DSC3: variants seen among roughly 807,000 people sequenced by gnomAD.
The protein encoded by DSC3 is desmocollin 3.
DSC3 carries 97 observed loss-of-function variants against 89.5 expected under a neutral mutation model. The observed-to-expected ratio is 1.08, with a 90% CI of 0.92 to 1.28. DSC3 has a LOEUF of 1.28. Ranked by LOEUF, DSC3 falls within the 50% of genes most tolerant of loss-of-function variation. DSC3 has a pLI of 0.00. For synonymous variants in DSC3, 436 were observed against 384.1 expected (o/e 1.14, Z -1.58); for missense variants, 1,199 against 1,085.3 (o/e 1.10, Z -1.47).
At chr18:31,025,657 T>C in intron 5 of DSC3, 103 bp downstream of exon 5, 1 of 1,264,590 alleles carries the variant, frequency 7.9e-7, no homozygotes, top group Non-Finnish European at 1.2e-6. Flanking sequence ...TAAGATACCC[T>C]CTAAGAAGAG....
intron 14 of DSC3, among the ~76,000 whole-genome samples, chr18:30,997,918 A>G (rs968947062): frequency 6.6e-6 from 1 of 152,200 alleles, no homozygotes; most frequent in Non-Finnish European, 1.5e-5. Context: ...GGGGTCCCCA[A>G]CTTCAATCAG....
intron 4 of DSC3, among the ~76,000 whole-genome samples, chr18:31,028,625 A>G (rs994742479): frequency 6.6e-6 from 1 of 152,144 alleles, no homozygotes; most frequent in Admixed American, 6.6e-5. Context: ...CAATTAGTAC[A>G]CAGGTTACAC....
chr18:31,015,687 G>T (rs1268256924), intron 9 of DSC3, among the ~76,000 whole-genome samples: 2 of 152,160 alleles, frequency 1.3e-5, no homozygotes, highest in Non-Finnish European at 2.9e-5. Context: ...TGGAGAAGCT[G>T]CCTTCTGACC....
At chr18:31,041,806 C>T (rs75978607) in intron 1 of DSC3, among the ~76,000 whole-genome samples, 26 of 152,042 alleles carry the variant, frequency 1.7e-4, no homozygotes, top group South Asian at 2.1e-4. Flanking sequence ...AGGCTGTGCT[C>T]CGGCCGCGCA....
In DSC3 at chr18:30,996,801, C is replaced by A; in HGVS notation, c.2483G>T (p.Arg828Leu). Residue 828 changes from arginine (R) to leucine (L), a missense_variant, in exon 15 of 16, where the codon CGT becomes CTT. Transcript: ENST00000360428. ...YSEWHSFTQPRLGEKLHRCNQ... is the reference protein window; with the variant it reads ...YSEWHSFTQPLLGEKLHRCNQ... ...CCTAAGGAAACTCACTTCACCGAGA[C>A]GGGGTTGAGTAAAACTGTGCCACTC... 1.2e-6 allele frequency: 2 copies of A among 1,613,686 alleles called. No homozygotes were observed. The highest frequency in any genetic ancestry group is 1.7e-6 in the Non-Finnish European group (2 of 1,179,962).
chr18:31,003,957 T>C (rs1984749026), intron 13 of DSC3, among the ~76,000 whole-genome samples, 185 bp downstream of exon 13: 1 of 152,218 alleles, frequency 6.6e-6, no homozygotes, highest in African/African-American at 2.4e-5. Flanking sequence ...AAGTCTTTTA[T>C]CTCAAGAAGG....
Position 31,024,492 on chromosome 18 carries a change from A to C in DSC3, c.632T>G (p.Leu211Trp). The C allele has an allele frequency of 6.2e-7, 1 of 1,612,456 alleles. No individual in the cohort carries two copies. Residue 211 changes from leucine (L) to tryptophan (W), a missense_variant and splice_region_variant, in exon 6 of 16, where the codon TTG becomes TGG. Leu to Trp is a moderately conservative substitution (Grantham distance 61, BLOSUM62 -2). Coordinates refer to ENST00000360428, the MANE Select transcript of DSC3 (RefSeq NM_001941.5). ...VDREEYDVFDLIAYASTADGY... is the reference protein window; with the variant it reads ...VDREEYDVFDWIAYASTADGY... ...ATCTGCAGTTGACGCATAAGCAATC[A>C]ACTGCAAAATAGCAAAAAGAAAGTT...
chr18:31,017,238 T>G (rs990338423), intron 9 of DSC3, among the ~76,000 whole-genome samples: 5 of 152,200 alleles, frequency 3.3e-5, no homozygotes, highest in African/African-American at 1.2e-4. Flanking sequence ...ATAGGAGCCT[T>G]GGAAATTTTT....
In DSC3 at chr18:31,042,577, C is replaced by T. The variant is rs1264495669; in HGVS notation, c.69+15G>A. ...CCGTCCCCACCCCAGCCCTATCCGG[C>T]GAGATCTGGCTTACCACGAGGGTCA... On this transcript the variant is annotated intron_variant, in intron 1 of 15. Coordinates refer to ENST00000360428, the MANE Select transcript of DSC3 (RefSeq NM_001941.5). The T allele has an allele frequency of 1.3e-6, 2 of 1,550,116 alleles. No individual in the cohort carries two copies. The highest frequency in any genetic ancestry group is 1.7e-4 in the Middle Eastern group (1 of 6,014).
intron 1 of DSC3, among the ~76,000 whole-genome samples, chr18:31,040,687 G>C (rs1986102062): frequency 6.6e-6 from 1 of 152,226 alleles, no homozygotes; most frequent in East Asian, 1.9e-4. Flanking sequence ...GCTTTGAAAA[G>C]CTGTCTCCTT....
At position 31,006,906 on chromosome 18, in the gene DSC3, C is replaced by A. The variant is rs372245920; in HGVS notation, c.1888+1G>T. 1 of 1,598,500 alleles carries A rather than the reference C, an allele frequency of 6.3e-7. No homozygotes were observed. ...ATAAATCATTATTTTTTATTAAATA[C>A]CATTAACTTTGGTGAGGCTCCACAG... On this transcript the variant is annotated splice_donor_variant, in intron 12 of 15. Coordinates refer to ENST00000360428, the MANE Select transcript of DSC3 (RefSeq NM_001941.5). LOFTEE classifies it high-confidence loss of function.
intron 6 of DSC3, 138 bp downstream of exon 6, chr18:31,024,211 A>T: frequency 1.3e-6 from 1 of 745,048 alleles, no homozygotes; most frequent in Non-Finnish European, 2.0e-6. Context: ...TGATGGGATT[A>T]AGTGTTTTCT....
chr18:31,024,546 A>G, intron 5 of DSC3, 53 bp from the exon 6 acceptor site: 1 of 1,582,178 alleles, frequency 6.3e-7, no homozygotes, highest in Non-Finnish European at 8.6e-7. Flanking sequence ...GGCAAGACAG[A>G]ATAAGATGCT....
intron 1 of DSC3, among the ~76,000 whole-genome samples, chr18:31,036,184 A>G (rs1209864531): frequency 6.6e-6 from 1 of 152,176 alleles, no homozygotes; most frequent in Non-Finnish European, 1.5e-5. Context: ...ATTTCTATTA[A>G]TGCCCCTAGC....
intron 2 of DSC3, among the ~76,000 whole-genome samples, chr18:31,031,976 A>C (rs1191706058): frequency 6.6e-6 from 1 of 152,206 alleles, no homozygotes; most frequent in African/African-American, 2.4e-5. Flanking sequence ...GGAAATATTT[A>C]GCAAAAATAA....
intron 4 of DSC3, among the ~76,000 whole-genome samples, chr18:31,027,779 C>T (rs1985649136): frequency 6.6e-6 from 1 of 152,024 alleles, no homozygotes; most frequent in African/African-American, 2.4e-5. Context: ...TCTGAAAGTT[C>T]AACCTAAAAT....
Position 31,018,688 on chromosome 18 carries a change from G to A in DSC3, c.1055C>T (p.Ala352Val). Residue 352 changes from alanine to valine, a missense_variant, in exon 8 of 16, where the codon GCA (alanine) becomes GTA (valine). Ala to Val is a moderately conservative substitution (Grantham distance 64). Coordinates refer to ENST00000360428, the MANE Select transcript of DSC3 (RefSeq NM_001941.5). ...IITVTDSNDNAPTFRQNAYEA... is the reference protein window; with the variant it reads ...IITVTDSNDNVPTFRQNAYEA... ...TACAGCATTTTGTCTGAAAGTGGGTGCATTATCATTTGAATCTGTTACTGT... is the reference window on the plus strand; with the variant it reads ...TACAGCATTTTGTCTGAAAGTGGGTACATTATCATTTGAATCTGTTACTGT... 1 of 1,613,354 alleles carries A rather than the reference G, an allele frequency of 6.2e-7. No homozygotes were observed. Among genetic ancestry groups the A allele is most frequent in the South Asian group, 1.1e-5 (1 of 91,056 alleles).
At chr18:31,021,718 T>C (rs1159268802) in intron 7 of DSC3, among the ~76,000 whole-genome samples, 1 of 152,168 alleles carries the variant, frequency 6.6e-6, no homozygotes, top group African/African-American at 2.4e-5. Flanking sequence ...GTGCAGTAAT[T>C]TGACCTGAGC....
At chr18:31,014,416 G>T (rs1712798196) in intron 9 of DSC3, among the ~76,000 whole-genome samples, 1 of 152,018 alleles carries the variant, frequency 6.6e-6, no homozygotes, top group Non-Finnish European at 1.5e-5. Flanking sequence ...AGAGCTGAGT[G>T]GCTGACAGAC....
Sources: allele counts gnomAD v4.1 joint callset (sites outside exome capture counted in the v4.1 genomes callset), GRCh38; gene constraint gnomAD v4.1.1; transcripts MANE v1.5; gene names NCBI Gene and HGNC (gene_info 2026-07-23, HGNC 2026-07-21).